Variants in DOCK9 observed in about 807,000 individuals in gnomAD.
DOCK9 encodes the protein dedicator of cytokinesis 9.
Under a neutral mutation model 263.3 loss-of-function variants are expected in DOCK9, and 89 were observed. That is an observed-to-expected ratio of 0.34 (90% CI 0.28 to 0.40). The LOEUF is 0.40. Among genes scored for constraint, DOCK9 ranks in the 10% least tolerant of loss-of-function variants. DOCK9 has a pLI of 1.00. For missense variants in DOCK9, 2,140 were observed against 2,603.4 expected (o/e 0.82, Z 3.87); for synonymous variants, 976 against 973.1 (o/e 1.00, Z -0.06).
At chr13:98,874,763 A>G (rs999330915) in intron 27 of DOCK9, among the ~76,000 whole-genome samples, 2 of 146,684 alleles carry the variant, frequency 1.4e-5, no homozygotes, top group African/African-American at 2.5e-5. Context: ...TTATTGATAT[A>G]AAAGTTTCCA....
chr13:98,794,730 T>C lies in DOCK9; in HGVS notation c.6175A>G (p.Lys2059Glu), dbSNP rs182904172. ...AGGGAATTCGGTAAGACGCTCGTCTTCTCCTCCAGGGGGCAGATCTTGAGG... is the reference window on the plus strand; with the variant it reads ...AGGGAATTCGGTAAGACGCTCGTCTCCTCCTCCAGGGGGCAGATCTTGAGG... ...MHEQICPLEE[K>E]TSVLPNSLHI... is the part of the protein sequence containing the mutation. Residue 2059 changes from lysine (K) to glutamate (E), a missense_variant, in exon 53 of 53, where the codon AAG becomes GAG. This residue lies in a region of DOCK9 where 619 missense variants were observed against 861.8 expected (regional missense o/e 0.72). Coordinates refer to ENST00000682017, the MANE Select transcript of DOCK9 (RefSeq NM_001366683.2). 1 of 1,613,892 alleles carries C rather than the reference T, an allele frequency of 6.2e-7. No individual in the cohort carries two copies. The highest frequency in any genetic ancestry group is 1.7e-5 in the Admixed American group (1 of 60,000).
chr13:98,840,497 A>G (rs1370950565), intron 38 of DOCK9, among the ~76,000 whole-genome samples: 1 of 152,220 alleles, frequency 6.6e-6, no homozygotes, highest in Non-Finnish European at 1.5e-5. Context: ...CTTATTCTAA[A>G]GCCCCCAAAT....
intron 2 of DOCK9, among the ~76,000 whole-genome samples, chr13:98,951,337 A>C (rs2057384956): frequency 1.3e-5 from 2 of 152,236 alleles, no homozygotes; most frequent in Admixed American, 6.5e-5. Flanking sequence ...TGTTCCAAAC[A>C]GTATTAATAT....
chr13:98,860,645 C>A, intron 32 of DOCK9, 123 bp from the exon 33 acceptor site: 2 of 732,752 alleles, frequency 2.7e-6, no homozygotes, highest in Non-Finnish European at 4.0e-6. Flanking sequence ...TGCCTGCCTG[C>A]ATGGGAGGAG....
intron 52 of DOCK9, among the ~76,000 whole-genome samples, chr13:98,795,085 A>G (rs967952562): frequency 6.6e-6 from 1 of 152,226 alleles, no homozygotes; most frequent in Admixed American, 6.5e-5. Context: ...AGTCAAGAAC[A>G]GCACATTTTG....
chr13:98,809,199 G>T, intron 47 of DOCK9, 153 bp downstream of exon 47: 1 of 1,305,330 alleles, frequency 7.7e-7, no homozygotes, highest in South Asian at 1.4e-5. Flanking sequence ...AGGAAGATAA[G>T]AATCATACTA....
intron 9 of DOCK9, among the ~76,000 whole-genome samples, chr13:98,910,291 A>T (rs2049797780): frequency 6.6e-6 from 1 of 152,222 alleles, no homozygotes; most frequent in African/African-American, 2.4e-5. Context: ...TTGTGTATCA[A>T]ACTAAAATAT....
chr13:98,975,210 C>G (rs546662773), intron 1 of DOCK9, among the ~76,000 whole-genome samples: 2 of 152,118 alleles, frequency 1.3e-5, no homozygotes, highest in East Asian at 1.9e-4. Context: ...GAAACCCTGT[C>G]CCTACTAAAA....
chr13:98,932,910 C>G (rs1279364775), intron 2 of DOCK9, among the ~76,000 whole-genome samples: 2 of 152,132 alleles, frequency 1.3e-5, no homozygotes, highest in African/African-American at 4.8e-5. Context: ...TATTACACAT[C>G]TGTTCTTGTG....
chr13:99,038,704 C>T (rs1888180681), intron 1 of DOCK9, among the ~76,000 whole-genome samples: 1 of 152,192 alleles, frequency 6.6e-6, no homozygotes, highest in Non-Finnish European at 1.5e-5. Flanking sequence ...TCAGTTTTCC[C>T]ACGTGCCACT....
chr13:98,905,568 T>C (rs1181826851), intron 9 of DOCK9, among the ~76,000 whole-genome samples: 4 of 152,054 alleles, frequency 2.6e-5, no homozygotes, highest in East Asian at 1.9e-4. Context: ...TCACTCATCA[T>C]AACTGAAAGG....
intron 1 of DOCK9, among the ~76,000 whole-genome samples, chr13:99,065,455 C>A (rs951608036): frequency 6.6e-6 from 1 of 152,148 alleles, no homozygotes; most frequent in African/African-American, 2.4e-5. Context: ...AACAAAGCAT[C>A]AAGTCAACAC....
At chr13:98,976,175 G>A (rs1281905585) in intron 1 of DOCK9, among the ~76,000 whole-genome samples, 6 of 152,172 alleles carry the variant, frequency 3.9e-5, no homozygotes, top group Admixed American at 3.3e-4. Context: ...CTCTGCAGGT[G>A]CGCAGAGCTG....
At chr13:98,810,864 G>A (rs2091236603) in intron 45 of DOCK9, among the ~76,000 whole-genome samples, 2 of 152,286 alleles carry the variant, frequency 1.3e-5, no homozygotes, top group South Asian at 2.1e-4. Flanking sequence ...ATTGTGGCCT[G>A]GACTTACACT....
At chr13:99,064,308 T>C (rs56351331) in intron 1 of DOCK9, among the ~76,000 whole-genome samples, 4,096 of 152,290 alleles carry the variant, frequency 0.027, 90 homozygotes, top group Middle Eastern at 0.044. Flanking sequence ...ATAACTGTTG[T>C]CACTATATTG....
At chr13:99,005,848 A>G (rs999924765) in intron 1 of DOCK9, among the ~76,000 whole-genome samples, 5 of 152,192 alleles carry the variant, frequency 3.3e-5, no homozygotes, top group African/African-American at 1.2e-4. Context: ...AAATGTGGCT[A>G]TGTGGCAATA....
intron 45 of DOCK9, among the ~76,000 whole-genome samples, chr13:98,817,396 T>A (rs2091939595): frequency 6.6e-6 from 1 of 150,516 alleles, no homozygotes; most frequent in African/African-American, 2.4e-5. Context: ...CTTTATAAAT[T>A]ACCCATCCTC....
chr13:99,017,073 T>G (rs561028513), intron 1 of DOCK9, among the ~76,000 whole-genome samples: 5 of 152,334 alleles, frequency 3.3e-5, no homozygotes, highest in African/African-American at 1.2e-4. Flanking sequence ...GTGTGTCTGA[T>G]AGCTGTACAA....
chr13:98,904,508 T>A, intron 10 of DOCK9, 124 bp downstream of exon 10: 1 of 705,830 alleles, frequency 1.4e-6, no homozygotes, highest in East Asian at 2.8e-5. Flanking sequence ...TTTCCCCAAA[T>A]TTTCTATAGT....
Sources: allele counts gnomAD v4.1 joint callset (sites outside exome capture counted in the v4.1 genomes callset), GRCh38; gene constraint gnomAD v4.1.1; regional missense constraint gnomAD v4.1.1; transcripts MANE v1.5; gene names NCBI Gene and HGNC (gene_info 2026-07-23, HGNC 2026-07-21).